TSPAN12: variants seen among roughly 807,000 people sequenced by gnomAD.
TSPAN12 encodes tetraspanin-12.
In TSPAN12, 19 loss-of-function variants were observed where a neutral mutation model predicts 39.2. The observed-to-expected ratio is 0.49, with a 90% confidence interval of 0.34 to 0.71. The LOEUF is 0.71. Ranked by LOEUF, TSPAN12 falls within the 30% of genes least tolerant of loss-of-function variation. TSPAN12 has a pLI of 0.01. For missense variants in TSPAN12, 314 were observed against 359.9 expected, an observed-to-expected ratio of 0.87 and a Z score of 1.03; for synonymous variants, 119 against 124.8, an observed-to-expected ratio of 0.95 and a Z score of 0.31.
rs1286139110 is a variant in TSPAN12, at chr7:120,788,058, A to C, written c.*534T>G. The stretch of plus-strand genomic sequence containing the variant: ...TAGCTTGCTCTTTTAAGTGGTAAGA[A>C]TATTTTAGTAACCAGCAAAAATCAC... On this transcript the variant is annotated 3_prime_UTR_variant, in exon 8 of 8. Coordinates refer to ENST00000222747, the MANE Select transcript of TSPAN12 (RefSeq NM_012338.4). 1.8e-5 allele frequency: 3 copies of C among 164,694 alleles called. No individual in the cohort carries two copies. Among genetic ancestry groups the C allele is most frequent in the Admixed American group, 5.8e-5 (1 of 17,108 alleles). The allele number at this position is 164,694 out of a possible 1,614,324, so 10.2% of individuals were successfully genotyped here. A position where few individuals can be genotyped will look rare whatever the true frequency, so the allele number is the denominator to read the frequency against.
intron 1 of TSPAN12, chr7:120,857,194 G>A: frequency 5.9e-6 from 2 of 336,974 alleles, no homozygotes; most frequent in South Asian, 4.9e-5. Flanking sequence ...AGCTGTGCTC[G>A]GCACTGTCCT....
At chr7:120,839,197 C>T (rs1005995942) in intron 3 of TSPAN12, among the ~76,000 whole-genome samples, 1 of 151,996 alleles carries the variant, frequency 6.6e-6, no homozygotes, top group Non-Finnish European at 1.5e-5. Flanking sequence ...ATAAAAGGTC[C>T]ATCTATTATT....
In TSPAN12 at chr7:120,790,074, T is replaced by C. The variant is rs1259623344; in HGVS notation, c.613-1177A>G. Reference sequence around the variant, plus strand: ...CCTCAAGCTCATCTTTAAAACCTATTGCATTTTGCTGTGGACCGGAAAACC... The same window carrying C: ...CCTCAAGCTCATCTTTAAAACCTATCGCATTTTGCTGTGGACCGGAAAACC... On this transcript the variant is annotated intron_variant, in intron 7 of 7. Coordinates refer to ENST00000222747, the MANE Select transcript of TSPAN12 (RefSeq NM_012338.4). Among the ~76,000 whole-genome samples the C allele has an allele frequency of 4.6e-5, 7 of 152,212 alleles. No individual in the cohort carries two copies. The East Asian group carries it at 1.3e-3, about 29-fold the overall frequency.
chr7:120,816,499 A>G (rs1283264596), intron 4 of TSPAN12, among the ~76,000 whole-genome samples: 1 of 152,098 alleles, frequency 6.6e-6, no homozygotes, highest in East Asian at 1.9e-4. Flanking sequence ...AAGAGAGAAT[A>G]CCAGGCAAAT....
chr7:120,799,905 T>A (rs1322816838), intron 7 of TSPAN12, among the ~76,000 whole-genome samples: 1 of 143,082 alleles, frequency 7.0e-6, no homozygotes, highest in Admixed American at 7.3e-5. Flanking sequence ...ATATTTAATA[T>A]ATTTATTATA....
intron 7 of TSPAN12, among the ~76,000 whole-genome samples, chr7:120,794,252 T>G (rs1031191353): frequency 6.6e-6 from 1 of 152,358 alleles, no homozygotes; most frequent in Non-Finnish European, 1.5e-5. Flanking sequence ...AAATGTTTCT[T>G]TGCTGACTCA....
intron 2 of TSPAN12, among the ~76,000 whole-genome samples, chr7:120,845,648 T>C (rs1339991746): frequency 6.6e-6 from 1 of 152,208 alleles, no homozygotes; most frequent in South Asian, 2.1e-4. Context: ...TGCTAAAGCA[T>C]AGCAAGAGTG....
intron 7 of TSPAN12, among the ~76,000 whole-genome samples, chr7:120,799,852 TAATA>T (rs1793728114): frequency 7.1e-6 from 1 of 140,224 alleles, no homozygotes; most frequent in East Asian, 2.0e-4. Context: ...TTTAATAATT[TAATA>T]ATTAATATGA....
intron 7 of TSPAN12, among the ~76,000 whole-genome samples, chr7:120,800,038 AGG>A (rs1297107175): frequency 6.6e-6 from 1 of 151,654 alleles, no homozygotes; most frequent in Non-Finnish European, 1.5e-5. Flanking sequence ...AGATGTTAGC[AGG>A]AAAGGAGTGT....
intron 7 of TSPAN12, among the ~76,000 whole-genome samples, chr7:120,794,464 T>G (rs1001135506): frequency 1.7e-4 from 26 of 152,240 alleles, no homozygotes; most frequent in African/African-American, 6.3e-4. Flanking sequence ...TCTTTAAAAG[T>G]GTGTAGCACC....
At chr7:120,791,631 A>G (rs947312967) in intron 7 of TSPAN12, among the ~76,000 whole-genome samples, 3 of 152,224 alleles carry the variant, frequency 2.0e-5, no homozygotes, top group African/African-American at 7.2e-5. Context: ...CTGTGCCAGA[A>G]AAGTAATGTT....
Position 120,812,887 on chromosome 7 carries a change from A to G in TSPAN12, c.361-2317T>C, listed in dbSNP as rs117050382. On this transcript the variant is annotated intron_variant, in intron 5 of 7. Coordinates refer to ENST00000222747, the MANE Select transcript of TSPAN12 (RefSeq NM_012338.4). ...TAATGAATAGAAGATGAGCAGTACAAAAAAAACCAGAAATAATGAGAAAAC... is the reference window on the plus strand; with the variant it reads ...TAATGAATAGAAGATGAGCAGTACAGAAAAAACCAGAAATAATGAGAAAAC... Among the ~76,000 whole-genome samples, 65 of 152,322 alleles carry G rather than the reference A, an allele frequency of 4.3e-4. 1 individual carries two copies. The East Asian group carries it at 0.01, about 24-fold the overall frequency.
intron 2 of TSPAN12, among the ~76,000 whole-genome samples, chr7:120,844,841 G>A (rs1794643212): frequency 1.3e-5 from 2 of 152,326 alleles, no homozygotes; most frequent in South Asian, 4.1e-4. Context: ...TCTTCACACT[G>A]CTCCACTAGG....
At chr7:120,822,181 G>A (rs1794199865) in intron 4 of TSPAN12, among the ~76,000 whole-genome samples, 1 of 152,004 alleles carries the variant, frequency 6.6e-6, no homozygotes, top group Non-Finnish European at 1.5e-5. Flanking sequence ...GTGGGTAAAT[G>A]CATCCCCTCG....
chr7:120,803,036 C>G (rs1210667339), intron 7 of TSPAN12, among the ~76,000 whole-genome samples: 1 of 152,124 alleles, frequency 6.6e-6, no homozygotes, highest in East Asian at 1.9e-4. Flanking sequence ...TAAGAGAGAC[C>G]TTGCGGTTCA....
intron 2 of TSPAN12, among the ~76,000 whole-genome samples, chr7:120,855,387 A>G (rs1433984472): frequency 6.6e-6 from 1 of 152,232 alleles, no homozygotes; most frequent in Non-Finnish European, 1.5e-5. Flanking sequence ...TGATTCTATA[A>G]TTAAAAAGCA....
At chr7:120,803,260 T>G (rs1055001324) in intron 7 of TSPAN12, among the ~76,000 whole-genome samples, 1 of 152,196 alleles carries the variant, frequency 6.6e-6, no homozygotes, top group African/African-American at 2.4e-5. Flanking sequence ...CAACAACGTG[T>G]AAGTCTAGTT....
At chr7:120,832,202 T>C (rs1430640410) in intron 4 of TSPAN12, among the ~76,000 whole-genome samples, 2 of 152,108 alleles carry the variant, frequency 1.3e-5, no homozygotes, top group Non-Finnish European at 2.9e-5. Flanking sequence ...TTCATACCCT[T>C]ATCCATGGCT....
At chr7:120,828,644 TTTTC>T (rs1222612419) in intron 4 of TSPAN12, among the ~76,000 whole-genome samples, 2 of 150,994 alleles carry the variant, frequency 1.3e-5, no homozygotes, top group African/African-American at 4.9e-5. Flanking sequence ...CTTAGTGTTT[TTTTC>T]TTTCTCCTTT....
Sources: gnomAD v4.1 joint callset for allele counts (sites outside exome capture counted in the v4.1 genomes callset) on GRCh38, gnomAD v4.1.1 for gene constraint, MANE v1.5 for transcripts, NCBI Gene and HGNC (gene_info 2026-07-23, HGNC 2026-07-21) for gene names.